Variants in CBFA2T2 observed in about 807,000 individuals in gnomAD.
CBFA2T2 encodes the protein protein CBFA2T2.
CBFA2T2 carries 11 observed loss-of-function variants against 62.2 expected under a neutral mutation model. The ratio of observed to expected loss-of-function variants is 0.18; its 90% CI spans 0.11 to 0.29. The LOEUF (loss-of-function observed/expected upper bound fraction) is 0.29. CBFA2T2 is among the 10% of genes least tolerant of loss of function. The pLI is 1.00. For missense variants in CBFA2T2, 592 were observed against 774.1 expected (o/e 0.76, Z 2.79); for synonymous variants, 295 against 287.5 (o/e 1.03, Z -0.27).
chr20:33,604,000 G>T (rs1249375191), intron 1 of CBFA2T2, among the ~76,000 whole-genome samples: 1 of 152,020 alleles, frequency 6.6e-6, no homozygotes, highest in East Asian at 1.9e-4. Context: ...TAAACCACTT[G>T]GATAGATCTC....
At chr20:33,496,226 T>G (rs2011198073) in intron 1 of CBFA2T2, among the ~76,000 whole-genome samples, 2 of 152,180 alleles carry the variant, frequency 1.3e-5, no homozygotes, top group Non-Finnish European at 2.9e-5. Flanking sequence ...AGTTGAGGGC[T>G]TGGTGAGTAG....
chr20:33,503,758 C>G (rs965260354), intron 1 of CBFA2T2, among the ~76,000 whole-genome samples: 1 of 151,974 alleles, frequency 6.6e-6, no homozygotes, highest in African/African-American at 2.4e-5. Context: ...CTGGCCCAAG[C>G]GAATCTCCTG....
chr20:33,607,259 A>C (rs965407833), intron 2 of CBFA2T2, among the ~76,000 whole-genome samples, 160 bp downstream of exon 2: 22 of 152,152 alleles, frequency 1.4e-4, no homozygotes, highest in African/African-American at 4.8e-4. Flanking sequence ...TTTATAAATT[A>C]CTTTTACCCT....
chr20:33,596,858 A>G (rs975533555), intron 1 of CBFA2T2, among the ~76,000 whole-genome samples: 8 of 151,258 alleles, frequency 5.3e-5, no homozygotes, highest in African/African-American at 1.9e-4. Context: ...TTCTTAGTAA[A>G]TGGTAACTTC....
In CBFA2T2 at chr20:33,636,632, T is replaced by G. The variant is rs377412331; in HGVS notation, c.1229-8T>G. 1 of 1,611,814 alleles carries G rather than the reference T, an allele frequency of 6.2e-7. No individual in the cohort carries two copies. The highest frequency in any genetic ancestry group is 8.5e-7 in the Non-Finnish European group (1 of 1,178,094). On this transcript the variant is annotated splice_region_variant and splice_polypyrimidine_tract_variant and intron_variant, in intron 8 of 10. Transcript: ENST00000342704. ...TCTGACCCTATGCTTTTTATGTCTC[T>G]TCTGCAGATTCTCAGAGAGAGTTCA...
chr20:33,559,172 C>CTTTTTTTTT lies in CBFA2T2; in HGVS notation c.35-47771_35-47763dup, dbSNP rs376048540. Among the ~76,000 whole-genome samples the CTTTTTTTTT allele has an allele frequency of 2.2e-4, 19 of 87,618 alleles. 2 individuals are homozygous for CTTTTTTTTT. Among genetic ancestry groups the CTTTTTTTTT allele is most frequent in the African/African-American group, 8.4e-4 (16 of 19,096 alleles). The allele number at this position is 87,618 out of a possible 152,430, so 57.5% of individuals were successfully genotyped here. On this transcript the variant is annotated intron_variant, in intron 1 of 10. Coordinates refer to ENST00000342704, the MANE Select transcript of CBFA2T2 (RefSeq NM_001032999.3). ...CAATTGCAGCTTCTTTTTTTCCTTT[C>CTTTTTTTTT]TTTTTTTTTTTTTTTTTTTTTCTGA...
At position 33,533,670 on chromosome 20, in the gene CBFA2T2, T is replaced by TA. The variant is rs1322051373; in HGVS notation, c.34+43379dup. 3.8e-3 allele frequency among the ~76,000 whole-genome samples: 569 copies of TA among 149,310 alleles called. 4 individuals carry two copies. The highest frequency in any genetic ancestry group is 0.013 in the African/African-American group (521 of 40,834). On this transcript the variant is annotated intron_variant, in intron 1 of 10. Coordinates refer to ENST00000342704, the MANE Select transcript of CBFA2T2 (RefSeq NM_001032999.3). Reference sequence around the variant, plus strand: ...ATGCTTGCTTTTGTCTTTTCTTTTTTAAAAAAAAAAGCACAGATGGGAACC... The same window carrying TA: ...ATGCTTGCTTTTGTCTTTTCTTTTTTAAAAAAAAAAAGCACAGATGGGAACC...
chr20:33,593,788 A>G (rs1279013492), intron 1 of CBFA2T2, among the ~76,000 whole-genome samples: 13 of 30,740 alleles, frequency 4.2e-4, no homozygotes, highest in Non-Finnish European at 5.3e-4. Context: ...CACTCATGAA[A>G]GAGTAAAAAG....
At chr20:33,642,532 G>C (rs554987076) in intron 10 of CBFA2T2, among the ~76,000 whole-genome samples, 34 of 152,142 alleles carry the variant, frequency 2.2e-4, no homozygotes, top group African/African-American at 8.2e-4. Context: ...CTTGAGCCCA[G>C]GAGGTGCAAG....
chr20:33,550,938 C>T (rs1402629307), intron 1 of CBFA2T2, among the ~76,000 whole-genome samples: 1 of 151,954 alleles, frequency 6.6e-6, no homozygotes, highest in Non-Finnish European at 1.5e-5. Flanking sequence ...GTGGTCTTAT[C>T]TGCTGTCAAG....
chr20:33,498,897 G>A (rs1229624787), intron 1 of CBFA2T2, among the ~76,000 whole-genome samples: 2 of 151,974 alleles, frequency 1.3e-5, no homozygotes, highest in African/African-American at 4.8e-5. Flanking sequence ...ACAAAAATTA[G>A]CCAGGTATGG....
chr20:33,495,915 A>G (rs1364327054), intron 1 of CBFA2T2, among the ~76,000 whole-genome samples: 5 of 152,158 alleles, frequency 3.3e-5, no homozygotes, highest in South Asian at 2.1e-4. Context: ...ATATGTTAAT[A>G]TATGTAAAGT....
intron 1 of CBFA2T2, among the ~76,000 whole-genome samples, chr20:33,515,547 C>T (rs1368891533): frequency 6.6e-6 from 1 of 151,614 alleles, no homozygotes; most frequent in African/African-American, 2.4e-5. Flanking sequence ...GAGATGGAGT[C>T]TCACTCTGTC....
rs1035221537 is a variant in CBFA2T2, at chr20:33,645,626, C to T, written c.*980C>T. 3 of 152,234 alleles carry T rather than the reference C, an allele frequency of 2.0e-5. No individual in the cohort carries two copies. The highest frequency in any genetic ancestry group is 4.4e-5 in the Non-Finnish European group (3 of 68,058). 9.4% of individuals were successfully genotyped at this position (152,234 alleles called of 1,614,324 possible). The stretch of plus-strand genomic sequence containing the variant: ...TCTGCCCATGGGCTCCATTTGGCAC[C>T]TGCTGAGCCACAGTTGTCCTGCTGG... On this transcript the variant is annotated 3_prime_UTR_variant, in exon 11 of 11. Transcript: ENST00000342704.
chr20:33,577,821 A>G (rs1953646069), intron 1 of CBFA2T2, among the ~76,000 whole-genome samples: 1 of 152,174 alleles, frequency 6.6e-6, no homozygotes, highest in Admixed American at 6.6e-5. Flanking sequence ...TGGAGATGGT[A>G]CCTTCTACTG....
At chr20:33,563,013 T>C (rs1427789032) in intron 1 of CBFA2T2, among the ~76,000 whole-genome samples, 3 of 152,212 alleles carry the variant, frequency 2.0e-5, no homozygotes, top group South Asian at 4.1e-4. Flanking sequence ...GGAATTTTTT[T>C]CCCCTTTAGT....
chr20:33,515,557 C>T (rs893335998), intron 1 of CBFA2T2, among the ~76,000 whole-genome samples: 1 of 151,708 alleles, frequency 6.6e-6, no homozygotes, highest in Non-Finnish European at 1.5e-5. Flanking sequence ...CTCACTCTGT[C>T]ATCCAGCGAG....
intron 1 of CBFA2T2, among the ~76,000 whole-genome samples, chr20:33,564,483 C>T (rs1271033130): frequency 2.0e-5 from 3 of 152,044 alleles, no homozygotes; most frequent in Non-Finnish European, 2.9e-5. Context: ...TCTTGAACTC[C>T]TGAACTTGTG....
At chr20:33,592,384 A>ATATATATAATTATGTAAAAATTT (rs1568839035) in intron 1 of CBFA2T2, among the ~76,000 whole-genome samples, 4 of 147,432 alleles carry the variant, frequency 2.7e-5, no homozygotes, top group African/African-American at 9.8e-5. Context: ...TTATATATAT[A>ATATATATAATTATGTAAAAATTT]TATATATAAT....
Sources: gnomAD v4.1 joint callset for allele counts (sites outside exome capture counted in the v4.1 genomes callset) on GRCh38, gnomAD v4.1.1 for gene constraint, MANE v1.5 for transcripts, NCBI Gene and HGNC (gene_info 2026-07-23, HGNC 2026-07-21) for gene names.